Variants in DNAH3 observed in about 807,000 individuals in gnomAD.
The protein encoded by DNAH3 is dynein axonemal heavy chain 3.
Under a neutral mutation model 432.5 loss-of-function variants are expected in DNAH3, and 332 were observed. The observed-to-expected ratio is 0.77, with a 90% confidence interval of 0.70 to 0.84. The LOEUF is 0.84. Ranked by LOEUF, DNAH3 falls within the 40% of genes least tolerant of loss-of-function variation. The pLI is 0.00. For synonymous variants in DNAH3, 1,956 were observed against 1,900.2 expected, an observed-to-expected ratio of 1.03 and a Z score of -0.76; for missense variants, 4,861 against 5,114.0, an observed-to-expected ratio of 0.95 and a Z score of 1.51.
chr16:20,977,656 C>G (rs946422024), intron 50 of DNAH3, among the ~76,000 whole-genome samples: 2 of 152,322 alleles, frequency 1.3e-5, no homozygotes, highest in African/African-American at 4.8e-5. Context: ...CTAGCTGGAC[C>G]ACTCCCCAGG....
At chr16:21,076,262 G>A (rs541979498) in intron 20 of DNAH3, among the ~76,000 whole-genome samples, 1 of 152,232 alleles carries the variant, frequency 6.6e-6, no homozygotes, top group South Asian at 2.1e-4. Flanking sequence ...AAGAGATTAG[G>A]ACACAGACAC....
chr16:21,040,358 A>ATT (rs55797285), intron 32 of DNAH3, among the ~76,000 whole-genome samples: 1,602 of 79,696 alleles, frequency 0.02, 56 homozygotes, highest in Non-Finnish European at 0.029. Flanking sequence ...AGCCAGACAG[A>ATT]TTTTTTTTTT....
chr16:21,049,423 T>C, intron 31 of DNAH3, 146 bp downstream of exon 31: 1 of 616,870 alleles, frequency 1.6e-6, no homozygotes, highest in Non-Finnish European at 2.9e-6. Context: ...GAGAGTCCTT[T>C]TGTTTAGTTC....
intron 16 of DNAH3, among the ~76,000 whole-genome samples, chr16:21,099,271 T>C (rs183223790): frequency 2.0e-5 from 3 of 151,432 alleles, no homozygotes; most frequent in African/African-American, 4.8e-5. Context: ...GATGGATGGA[T>C]GGACAGATGG....
rs745939770 is a variant in DNAH3 at position 21,121,106 on chromosome 16, G to A, written c.1585-252C>T. ...ATGTGAAGCATACATAATGCATGGA[G>A]AGAGTGAGAAGGTGGAAGGGTGAGG... On this transcript the variant is annotated intron_variant, in intron 10 of 61. Coordinates refer to ENST00000261383, the Ensembl canonical transcript of DNAH3. The A allele has an allele frequency of 8.3e-6, 5 of 600,102 alleles. No individual in the cohort carries two copies. The East Asian group carries it at 1.8e-4, about 22-fold the overall frequency. The allele number at this position is 600,102 out of a possible 1,614,324, so 37.2% of individuals were successfully genotyped here.
chr16:21,091,600 G>A (rs1401395566), intron 18 of DNAH3, among the ~76,000 whole-genome samples: 8 of 152,132 alleles, frequency 5.3e-5, no homozygotes, highest in East Asian at 3.9e-4. Context: ...GGTGGATCAC[G>A]AGGTCAGGAG....
At chr16:21,120,759 C>T (rs1597421457) in exon 11 of DNAH3, 10 of 1,613,880 alleles carry the variant, frequency 6.2e-6, no homozygotes, top group Admixed American at 1.7e-5. Context: ...CAGTGGCAGC[C>T]GCGTGCATGC....
At chr16:21,056,679 A>T (rs913613269) in intron 27 of DNAH3, among the ~76,000 whole-genome samples, 2 of 152,162 alleles carry the variant, frequency 1.3e-5, no homozygotes, top group African/African-American at 4.8e-5. Context: ...TTCTGTGTCA[A>T]CACCTGCTTC....
At position 21,095,710 on chromosome 16, in the gene DNAH3, TG is replaced by T. The variant is rs574184491; in HGVS notation, c.2665+1644del. Among the ~76,000 whole-genome samples, 16 of 152,296 alleles carry T rather than the reference TG, an allele frequency of 1.1e-4. No homozygotes were observed. In the East Asian group the frequency reaches 3.1e-3, roughly 29 times the overall value. On this transcript the variant is annotated intron_variant, in intron 18 of 61. Coordinates refer to ENST00000261383, the Ensembl canonical transcript of DNAH3. ...AATGTATATAAATTTAAAAATAAAA[TG>T]TAAAATGTTTTTAAAATACAATACC...
At chr16:21,141,160 G>T (rs8061542) in intron 4 of DNAH3, 140 bp downstream of exon 5, 273,103 of 639,622 alleles carry the variant, frequency 0.43, 59,424 homozygotes, top group East Asian at 0.65. Flanking sequence ...TTTTTTTTTT[G>T]ATTAAAGTGA....
chr16:21,083,432 A>C (rs1387592547), intron 19 of DNAH3, among the ~76,000 whole-genome samples: 1 of 152,194 alleles, frequency 6.6e-6, no homozygotes, highest in Non-Finnish European at 1.5e-5. Context: ...CATGATGAAA[A>C]AATAACCAAA....
At chr16:21,098,464 GA>G in intron 17 of DNAH3, 151 bp downstream of exon 17, 1 of 485,778 alleles carries the variant, frequency 2.1e-6, no homozygotes, top group Admixed American at 4.3e-5. Context: ...AAAAAGAAAA[GA>G]AAAAAGAAAG....
chr16:20,954,142 G>C (rs1418441254), intron 55 of DNAH3, among the ~76,000 whole-genome samples: 2 of 149,374 alleles, frequency 1.3e-5, no homozygotes, highest in African/African-American at 4.9e-5. Context: ...AGGATCGCTT[G>C]AACCTGAGAG....
intron 21 of DNAH3, among the ~76,000 whole-genome samples, chr16:21,071,299 C>T (rs1421030696): frequency 6.6e-6 from 1 of 152,082 alleles, no homozygotes. Flanking sequence ...GCCTCGGCCT[C>T]CCAAAGTGCT....
chr16:20,986,609 G>A (rs771575066), intron 47 of DNAH3, among the ~76,000 whole-genome samples: 20 of 152,042 alleles, frequency 1.3e-4, no homozygotes, highest in Non-Finnish European at 2.4e-4. Flanking sequence ...CAGTTTGTAC[G>A]GTCCCCAGAA....
At chr16:21,058,046 G>T in intron 27 of DNAH3, 40 bp downstream of exon 27, 1 of 1,149,248 alleles carries the variant, frequency 8.7e-7, no homozygotes, top group Non-Finnish European at 1.3e-6. Context: ...CCTAATTGAT[G>T]CTTGGATCTC....
exon 53 of DNAH3, chr16:20,964,656 T>C: frequency 2.5e-6 from 4 of 1,614,126 alleles, no homozygotes; most frequent in Non-Finnish European, 3.4e-6. Context: ...AGGCCCAGCG[T>C]CTGGAATTGG....
chr16:21,152,535 A>G (rs2092864166), intron 1 of DNAH3, among the ~76,000 whole-genome samples: 1 of 152,234 alleles, frequency 6.6e-6, no homozygotes, highest in African/African-American at 2.4e-5. Flanking sequence ...GCACTGTGAG[A>G]GCTCCTTTCT....
chr16:21,038,654 C>A (rs1033883823), intron 33 of DNAH3, among the ~76,000 whole-genome samples: 8 of 152,188 alleles, frequency 5.3e-5, no homozygotes, highest in Non-Finnish European at 8.8e-5. Flanking sequence ...TCAAGGAGAT[C>A]CTCTTTACAG....
Sources: allele counts gnomAD v4.1 joint callset (sites outside exome capture counted in the v4.1 genomes callset), GRCh38; gene constraint gnomAD v4.1.1; transcripts MANE v1.5; gene names NCBI Gene and HGNC (gene_info 2026-07-23, HGNC 2026-07-21).